Variants in MYBL1 observed in about 807,000 individuals in gnomAD.
MYBL1 encodes myb-related protein A.
MYBL1 carries 17 observed loss-of-function variants against 96.3 expected under a neutral mutation model. The ratio of observed to expected loss-of-function variants is 0.18; its 90% confidence interval spans 0.12 to 0.26. The LOEUF is 0.26. MYBL1 is among the 10% of genes least tolerant of loss of function. The pLI is 1.00. For synonymous variants in MYBL1, 282 were observed against 292.7 expected (o/e 0.96, Z 0.37); for missense variants, 701 against 882.9 (o/e 0.79, Z 2.61).
chr8:66,584,836 G>C (rs1376894379), intron 8 of MYBL1, among the ~76,000 whole-genome samples: 1 of 151,412 alleles, frequency 6.6e-6, no homozygotes, highest in African/African-American at 2.4e-5. Context: ...AACCAAGAAG[G>C]TAAAAGATTT....
intron 11 of MYBL1, among the ~76,000 whole-genome samples, 154 bp downstream of exon 11, chr8:66,573,210 A>G (rs982313856): frequency 6.6e-6 from 1 of 152,174 alleles, no homozygotes; most frequent in Non-Finnish European, 1.5e-5. Flanking sequence ...GCAAAATTCC[A>G]TCTCAAACAA....
chr8:66,607,390 C>A (rs1486614479), intron 1 of MYBL1, among the ~76,000 whole-genome samples: 1 of 152,152 alleles, frequency 6.6e-6, no homozygotes, highest in Non-Finnish European at 1.5e-5. Flanking sequence ...TGCCAACCTC[C>A]ACATCCAAAA....
intron 4 of MYBL1, among the ~76,000 whole-genome samples, chr8:66,598,404 T>C (rs1809935090): frequency 1.3e-5 from 2 of 152,196 alleles, no homozygotes; most frequent in Non-Finnish European, 1.5e-5. Flanking sequence ...TCTCTACTTA[T>C]TTAAAAAATT....
intron 3 of MYBL1, among the ~76,000 whole-genome samples, chr8:66,600,339 T>G (rs1810019636): frequency 6.6e-6 from 1 of 152,242 alleles, no homozygotes; most frequent in African/African-American, 2.4e-5. Context: ...TTTTGCCCAA[T>G]GTACTTAAAA....
chr8:66,583,980 TACCAAA>T (rs1414025635), intron 8 of MYBL1, among the ~76,000 whole-genome samples: 6 of 152,168 alleles, frequency 3.9e-5, no homozygotes, highest in African/African-American at 1.4e-4. Flanking sequence ...ATTACCCTGA[TACCAAA>T]ACCAAATAAA....
intron 1 of MYBL1, among the ~76,000 whole-genome samples, 200 bp from the exon 2 acceptor site, chr8:66,602,723 A>G (rs1370348965): frequency 2.2e-5 from 1 of 45,180 alleles, no homozygotes; most frequent in African/African-American, 1.1e-4. Flanking sequence ...ATATATATAT[A>G]TATATATATA....
rs1808382223 is a variant in MYBL1 at position 66,562,935 on chromosome 8, T to A, written c.*1762A>T. 1.3e-5 allele frequency: 2 copies of A among 148,768 alleles called. No homozygotes were observed. Among genetic ancestry groups the A allele is most frequent in the East Asian group, 1.9e-4 (1 of 5,138 alleles). The allele number at this position is 148,768 out of a possible 1,614,324, so 9.2% of individuals were successfully genotyped here. A position where few individuals can be genotyped will look rare whatever the true frequency, so the allele number is the denominator to read the frequency against. ...ATATATATATAAATATATATATATA[T>A]AAAATATGCAAAAACTAGCAAGTAG... On this transcript the variant is annotated 3_prime_UTR_variant, in exon 16 of 16. Transcript: ENST00000522677.
intron 8 of MYBL1, among the ~76,000 whole-genome samples, chr8:66,586,060 T>C (rs1809408173): frequency 6.7e-6 from 1 of 149,000 alleles, no homozygotes; most frequent in Admixed American, 6.7e-5. Flanking sequence ...TTTTTTTTTT[T>C]TTTGAGATAA....
intron 10 of MYBL1, among the ~76,000 whole-genome samples, chr8:66,574,954 T>C (rs551385137): frequency 1.8e-4 from 28 of 152,194 alleles, no homozygotes; most frequent in African/African-American, 6.7e-4. Context: ...CTCGGGAGGC[T>C]GAGCCAGGAG....
At chr8:66,571,974 G>A (rs1038348278) in intron 12 of MYBL1, among the ~76,000 whole-genome samples, 1 of 150,750 alleles carries the variant, frequency 6.6e-6, no homozygotes, top group Non-Finnish European at 1.5e-5. Context: ...CCAAGCAAGG[G>A]TTTATTTACA....
At position 66,563,124 on chromosome 8, in the gene MYBL1, C is replaced by T. The variant is rs372035031; in HGVS notation, c.*1573G>A. On this transcript the variant is annotated 3_prime_UTR_variant, in exon 16 of 16. Transcript: ENST00000522677. The stretch of plus-strand genomic sequence containing the variant: ...GTATTTTGGTATTTGCAAGAATTTG[C>T]CTGGTAATGGTTGATTCCATTTAGT... 1.3e-5 allele frequency: 2 copies of T among 152,398 alleles called. No individual in the cohort carries two copies. Among genetic ancestry groups the T allele is most frequent in the Non-Finnish European group, 2.9e-5 (2 of 67,982 alleles). 9.4% of individuals were successfully genotyped at this position (152,398 alleles called of 1,614,324 possible). A position where few individuals can be genotyped will look rare whatever the true frequency, so the allele number is the denominator to read the frequency against.
intron 12 of MYBL1, 135 bp from the exon 13 acceptor site, chr8:66,567,127 A>C: frequency 3.4e-6 from 2 of 581,996 alleles, no homozygotes; most frequent in South Asian, 4.9e-5. Context: ...TACATTAATT[A>C]AATTAATTCA....
intron 1 of MYBL1, chr8:66,612,411 C>G (rs1433101645): frequency 9.7e-6 from 2 of 206,294 alleles, no homozygotes; most frequent in Non-Finnish European, 1.9e-5. Context: ...TTGACTGTAC[C>G]GTCATTCAGA....
At chr8:66,604,418 G>C (rs1810226454) in intron 1 of MYBL1, among the ~76,000 whole-genome samples, 2 of 152,000 alleles carry the variant, frequency 1.3e-5, no homozygotes, top group African/African-American at 4.8e-5. Flanking sequence ...AGCTACTTGG[G>C]AGGCTGAAGC....
At chr8:66,574,803 C>T (rs572419120) in intron 10 of MYBL1, among the ~76,000 whole-genome samples, 3 of 152,218 alleles carry the variant, frequency 2.0e-5, no homozygotes, top group Admixed American at 2.0e-4. Context: ...GCCTGTAATC[C>T]CAGCACTTTG....
intron 15 of MYBL1, 73 bp downstream of exon 15, chr8:66,565,991 G>T: frequency 1.0e-6 from 1 of 985,468 alleles, no homozygotes; most frequent in Non-Finnish European, 1.5e-6. Flanking sequence ...AGTATAATTT[G>T]TGATCAGTAA....
intron 8 of MYBL1, among the ~76,000 whole-genome samples, chr8:66,587,993 G>A (rs1236974620): frequency 1.3e-5 from 2 of 152,078 alleles, no homozygotes; most frequent in Non-Finnish European, 1.5e-5. Flanking sequence ...AAACACTGTT[G>A]CAAAGCAAAT....
intron 1 of MYBL1, among the ~76,000 whole-genome samples, chr8:66,608,188 T>C (rs1810395080): frequency 6.6e-6 from 1 of 152,240 alleles, no homozygotes; most frequent in African/African-American, 2.4e-5. Context: ...TGTAAAATTT[T>C]GCCCCTTACT....
Position 66,566,158 on chromosome 8 carries a change from T to C in MYBL1, c.2036A>G (p.Gln679Arg). The change falls in exon 15 of 16, where the codon CAA becomes CGA. Residue 679 changes from glutamine to arginine, a missense_variant. Gln to Arg is a conservative substitution (Grantham distance 43, BLOSUM62 1). Coordinates refer to ENST00000522677, the MANE Select transcript of MYBL1 (RefSeq NM_001080416.4). ...DNRCNLIPEK[Q>R]DINSTNKTYT... ...TGTTTTGTTGGTTGAATTTATATCT[T>C]GTTTTTCAGGAATCAAGTTGCACCT... is the stretch of plus-strand genomic sequence containing the variant. 1.3e-6 allele frequency: 2 copies of C among 1,538,348 alleles called. No individual in the cohort carries two copies. The highest frequency in any genetic ancestry group is 1.4e-5 in the African/African-American group (1 of 73,078).
Sources: gnomAD v4.1 joint callset for allele counts (sites outside exome capture counted in the v4.1 genomes callset) on GRCh38, gnomAD v4.1.1 for gene constraint, MANE v1.5 for transcripts, NCBI Gene and HGNC (gene_info 2026-07-23, HGNC 2026-07-21) for gene names.